The following CASP6 variants were observed in gnomAD, a reference collection of about 807,000 sequenced individuals.
CASP6 encodes caspase-6.
A neutral mutation model predicts 31.8 loss-of-function variants in CASP6; 20 were observed. The ratio of observed to expected loss-of-function variants is 0.63; its 90% CI spans 0.44 to 0.91. The LOEUF (loss-of-function observed/expected upper bound fraction) is 0.91, where lower values mean the gene tolerates loss of function less well. Ranked by LOEUF, CASP6 falls within the 40% of genes least tolerant of loss-of-function variation. The pLI, the probability that CASP6 is intolerant of heterozygous loss-of-function variation, is 0.00. For synonymous variants in CASP6, 130 were observed against 127.8 expected, an observed-to-expected ratio of 1.02 and a Z score of -0.12; for missense variants, 328 against 361.1, an observed-to-expected ratio of 0.91 and a Z score of 0.74.
the CASP6 span, among the ~76,000 whole-genome samples, chr4:109,671,216 T>C: frequency 6.6e-6 from 1 of 152,230 alleles, no homozygotes; most frequent in Non-Finnish European, 1.5e-5. Flanking sequence ...CTTAACTTTT[T>C]CTTAAAGAGA....
At chr4:109,706,156 TATATATATATATATAC>T (rs1240963158), upstream of CASP6, among the ~76,000 whole-genome samples, 398 of 92,372 alleles carry the variant, frequency 4.3e-3, 16 homozygotes, top group African/African-American at 0.024. Flanking sequence ...TATATATATA[TATATATATATATATAC>T]ACACACACAT....
chr4:109,686,493 T>C (rs1208955131), downstream of CASP6, among the ~76,000 whole-genome samples: 1 of 152,218 alleles, frequency 6.6e-6, no homozygotes, highest in African/African-American at 2.4e-5. Context: ...AGGAAAAATA[T>C]AATGCTTTTA....
the CASP6 span, chr4:109,682,570 G>C: frequency 1.3e-6 from 2 of 1,595,852 alleles, no homozygotes; most frequent in African/African-American, 1.3e-5. Flanking sequence ...TTTCCCTTGT[G>C]TCTTTTCTCA....
chr4:109,689,281 G>A lies in CASP6; in HGVS notation c.*49C>T, dbSNP rs762819971. 6 of 1,567,764 alleles carry A rather than the reference G, an allele frequency of 3.8e-6. No individual in the cohort carries two copies. The highest frequency in any genetic ancestry group is 5.3e-6 in the Non-Finnish European group (6 of 1,141,156). On this transcript the variant is annotated 3_prime_UTR_variant, in exon 7 of 7. Transcript: ENST00000265164. ...CAGGTGTGAGTAACCACGCCTGGCT[G>A]AGAAAGCCATTTTCAATACAGAGTG...
the CASP6 span, among the ~76,000 whole-genome samples, chr4:109,671,583 C>G: frequency 6.6e-6 from 1 of 152,058 alleles, no homozygotes. Flanking sequence ...TTGGTTCTTT[C>G]TAAGTTTCTA....
At chr4:109,691,116 C>A (rs1001772235) in intron 5 of CASP6, 107 bp from the exon 6 acceptor site, 2 of 1,217,880 alleles carry the variant, frequency 1.6e-6, no homozygotes, top group African/African-American at 1.6e-5. Flanking sequence ...ACAACAGAAA[C>A]CACATTCTGA....
chr4:109,675,002 C>A, the CASP6 span, among the ~76,000 whole-genome samples: 1 of 152,186 alleles, frequency 6.6e-6, no homozygotes, highest in Non-Finnish European at 1.5e-5. Context: ...AAGGCTATCA[C>A]ACTTGTGAAA....
At chr4:109,703,840 A>G (rs553534414), upstream of CASP6, among the ~76,000 whole-genome samples, 1 of 152,234 alleles carries the variant, frequency 6.6e-6, no homozygotes, top group Non-Finnish European at 1.5e-5. Flanking sequence ...GTACAGGCAT[A>G]GATTGTTTTA....
downstream of CASP6, among the ~76,000 whole-genome samples, chr4:109,684,069 T>C (rs1729777253): frequency 6.6e-6 from 1 of 150,706 alleles, no homozygotes; most frequent in African/African-American, 2.4e-5. Flanking sequence ...TCTTTTCTTT[T>C]TTTTTTTTTT....
downstream of CASP6, chr4:109,684,323 G>A (rs747982860): frequency 9.0e-6 from 6 of 668,084 alleles, no homozygotes; most frequent in Non-Finnish European, 1.5e-5. Context: ...CGGCCTCCCA[G>A]AGTGCTGAGA....
At chr4:109,685,127 C>G, downstream of CASP6, 1 of 592,632 alleles carries the variant, frequency 1.7e-6, no homozygotes, top group East Asian at 2.6e-5. Context: ...ATGGCCATTG[C>G]AAATATTTCA....
downstream of CASP6, chr4:109,684,308 C>T: frequency 3.4e-6 from 2 of 592,270 alleles, no homozygotes; most frequent in Non-Finnish European, 5.9e-6. Flanking sequence ...GTGATCCGCC[C>T]ACCTCGGCCT....
chr4:109,703,450 T>TCCCGGG, upstream of CASP6: 10 of 1,588,876 alleles, frequency 6.3e-6, no homozygotes, highest in Non-Finnish European at 8.6e-6. Context: ...AGCCACAGGC[T>TCCCGGG]CCCGGGCCCG....
At chr4:109,672,896 A>G in the CASP6 span, among the ~76,000 whole-genome samples, 4 of 152,296 alleles carry the variant, frequency 2.6e-5, no homozygotes, top group Admixed American at 1.3e-4. Context: ...TTGACCTTGT[A>G]CCTATCATGT....
At position 109,703,415 on chromosome 4, in the gene CASP6, A is replaced by G. The variant is rs1295525828; in HGVS notation, c.-20T>C. 1.2e-6 allele frequency: 2 copies of G among 1,610,786 alleles called. No individual in the cohort carries two copies. Among genetic ancestry groups the G allele is most frequent in the Non-Finnish European group, 1.7e-6 (2 of 1,178,836 alleles). On this transcript the variant is annotated 5_prime_UTR_variant, in exon 1 of 7. Transcript: ENST00000265164. ...GCTCATTGCAGCCAAACGCGCAGCC[A>G]GACACCTTGCCCTCCTCTTCCTGAA...
the CASP6 span, among the ~76,000 whole-genome samples, chr4:109,675,925 A>G: frequency 6.6e-6 from 1 of 152,242 alleles, no homozygotes; most frequent in Non-Finnish European, 1.5e-5. Flanking sequence ...AGACTCCAGA[A>G]CTGTGAGGAA....
upstream of CASP6, among the ~76,000 whole-genome samples, chr4:109,707,163 C>T (rs7694620): frequency 0.68 from 103,184 of 152,128 alleles, 35,806 homozygotes; most frequent in African/African-American, 0.83. Flanking sequence ...GAAAAACTTT[C>T]ATATGCACTG....
At chr4:109,691,093 G>T in intron 5 of CASP6, 84 bp from the exon 6 acceptor site, 1 of 1,384,114 alleles carries the variant, frequency 7.2e-7, no homozygotes, top group Non-Finnish European at 9.6e-7. Context: ...GTGTAAGCCA[G>T]TACCCCTTCA....
intron 4 of CASP6, among the ~76,000 whole-genome samples, chr4:109,695,702 C>T (rs1034751591): frequency 1.3e-5 from 2 of 149,022 alleles, no homozygotes; most frequent in African/African-American, 2.5e-5. Context: ...GATCACACCA[C>T]TGCACTCCAG....
Sources: allele counts gnomAD v4.1 joint callset (sites outside exome capture counted in the v4.1 genomes callset), GRCh38; gene constraint gnomAD v4.1.1; transcripts MANE v1.5; gene names NCBI Gene and HGNC (gene_info 2026-07-23, HGNC 2026-07-21).